The following MAGEA11 variants were observed in gnomAD, a reference collection of about 807,000 sequenced individuals.
MAGEA11 encodes the protein melanoma-associated antigen 11.
In MAGEA11, 1 loss-of-function variant was observed where a neutral mutation model predicts 8.4. The observed-to-expected ratio is 0.12, with a 90% CI of 0.04 to 0.57. MAGEA11 has a LOEUF of 0.57. MAGEA11 is among the 20% of genes least tolerant of loss of function. The pLI is 0.91. For synonymous variants in MAGEA11, 127 were observed against 119.3 expected (o/e 1.06, Z -0.42); for missense variants, 209 against 317.3 (o/e 0.66, Z 2.59).
In MAGEA11 at chrX:149,716,530, G is replaced by A. The variant is rs371173616; in HGVS notation, c.1044G>A (p.Glu348=). 6.6e-6 allele frequency: 8 copies of A among 1,209,721 alleles called. 1 individual carries two copies. The South Asian group carries it at 7.0e-5, about 11-fold the overall frequency. ...LSIMGVYAGR[E]HFLFGEPKRL... ...TTATGGGGGTGTATGCTGGAAGGGAGCACTTCCTCTTTGGGGAGCCCAAGA... is the reference window on the plus strand; with the variant it reads ...TTATGGGGGTGTATGCTGGAAGGGAACACTTCCTCTTTGGGGAGCCCAAGA... Residue 348 remains glutamate (E), a synonymous_variant, in exon 5 of 5, where the codon GAG becomes GAA. Coordinates refer to ENST00000355220, the MANE Select transcript of MAGEA11 (RefSeq NM_005366.5).
chrX:149,715,231 A>G (rs2090421034), intron 3 of MAGEA11, among the ~76,000 whole-genome samples: 1 of 111,770 alleles, frequency 8.9e-6, no homozygotes, highest in African/African-American at 3.3e-5. Context: ...CCCTGAGCAC[A>G]GAGGGGACCA....
chrX:149,697,563 T>G (rs1189155289), intron 1 of MAGEA11, among the ~76,000 whole-genome samples: 1 of 110,458 alleles, frequency 9.1e-6, no homozygotes, highest in East Asian at 2.9e-4. Flanking sequence ...CCCCTGAGTC[T>G]TTTTGACATC....
chrX:149,698,095 A>G (rs1259928492), intron 1 of MAGEA11, among the ~76,000 whole-genome samples: 1 of 111,929 alleles, frequency 8.9e-6, no homozygotes, highest in Non-Finnish European at 1.9e-5. Flanking sequence ...GGACAAATAC[A>G]ATCAATGTCA....
chrX:149,688,924 C>T, exon 1 of MAGEA11: 10 of 1,014,247 alleles, frequency 9.9e-6, no homozygotes, highest in Non-Finnish European at 1.3e-5. Context: ...GGGTGCTATG[C>T]AAGTGGAGCT....
At chrX:149,694,525 G>C (rs1557360399) in intron 1 of MAGEA11, among the ~76,000 whole-genome samples, 1 of 111,433 alleles carries the variant, frequency 9.0e-6, no homozygotes, top group African/African-American at 3.3e-5. Flanking sequence ...TCAATTTTTT[G>C]ATGATGTCCT....
intron 1 of MAGEA11, among the ~76,000 whole-genome samples, chrX:149,695,650 C>T (rs782606264): frequency 8.9e-6 from 1 of 112,121 alleles, no homozygotes; most frequent in Admixed American, 9.4e-5. Context: ...AAAGGATGCT[C>T]AACTTCGTTA....
At chrX:149,713,301 C>T (rs2090411422) in intron 2 of MAGEA11, 46 bp downstream of exon 2, 1 of 826,403 alleles carries the variant, frequency 1.2e-6, no homozygotes, top group African/African-American at 2.1e-5. Flanking sequence ...ACGGTGGCCA[C>T]ATGTGGTGCA....
At chrX:149,704,950 G>A (rs1324894723) in intron 1 of MAGEA11, among the ~76,000 whole-genome samples, 1 of 112,693 alleles carries the variant, frequency 8.9e-6, no homozygotes, top group East Asian at 2.8e-4. Flanking sequence ...GTGTCTGCAG[G>A]GCTTGTTTGC....
At chrX:149,692,516 G>A in intron 1 of MAGEA11, among the ~76,000 whole-genome samples, 1 of 111,616 alleles carries the variant, frequency 9.0e-6, no homozygotes, top group East Asian at 2.8e-4. Context: ...CTTTGGTAAA[G>A]TTTGTTTCAT....
At chrX:149,705,237 ATTCCC>A (rs1251344676) in intron 1 of MAGEA11, among the ~76,000 whole-genome samples, 3 of 111,841 alleles carry the variant, frequency 2.7e-5, no homozygotes, top group African/African-American at 9.8e-5. Flanking sequence ...AATTCCCATA[ATTCCC>A]ATGTGTCGTG....
In MAGEA11 at chrX:149,693,933, G is replaced by A. The variant is rs1434459041; in HGVS notation, c.9+4949G>A. 3.6e-5 allele frequency among the ~76,000 whole-genome samples: 4 copies of A among 111,874 alleles called. No individual in the cohort carries two copies. The South Asian group carries it at 1.1e-3, about 31-fold the overall frequency. ...TTTTAAGGATGAATGACATTTCATT[G>A]TATGTATATACATTTTGCTTATACA... On this transcript the variant is annotated intron_variant, in intron 1 of 3. Transcript: ENST00000333104.
At chrX:149,688,797 A>T, upstream of MAGEA11, 1 of 307,876 alleles carries the variant, frequency 3.2e-6, no homozygotes, top group Admixed American at 4.0e-5. Flanking sequence ...TGCCTGAGTC[A>T]TTCTCTTGAT....
At position 149,716,036 on chromosome X, in the gene MAGEA11, G is replaced by A. The variant is rs2090425058; in HGVS notation, c.550G>A (p.Ala184Thr). 6 of 1,211,762 alleles carry A rather than the reference G, an allele frequency of 5.0e-6. No individual in the cohort carries two copies. Among genetic ancestry groups the A allele is most frequent in the African/African-American group, 1.7e-5 (1 of 57,770 alleles). ...TCAGGAAGAGTCCTTCTCTCCCACT[G>A]CCATGGATGCCATCTTTGGGAGCCT... ...SPQEESFSPTAMDAIFGSLSD... is the reference protein window; with the variant it reads ...SPQEESFSPTTMDAIFGSLSD... The change falls in exon 5 of 5, where the codon GCC becomes ACC. Residue 184 changes from alanine (A) to threonine (T), a missense_variant. Coordinates refer to ENST00000355220, the MANE Select transcript of MAGEA11 (RefSeq NM_005366.5).
chrX:149,693,664 T>C (rs2090319298), intron 1 of MAGEA11, among the ~76,000 whole-genome samples: 1 of 112,318 alleles, frequency 8.9e-6, no homozygotes, highest in Non-Finnish European at 1.9e-5. Context: ...CCATATCAAA[T>C]TCCAGAACAT....
chrX:149,695,082 G>T (rs1423892658), intron 1 of MAGEA11, among the ~76,000 whole-genome samples: 1 of 111,608 alleles, frequency 9.0e-6, no homozygotes, highest in Non-Finnish European at 1.9e-5. Context: ...TCTTTATCTC[G>T]CCTCTGATGC....
upstream of MAGEA11, among the ~76,000 whole-genome samples, chrX:149,708,700 G>A (rs907723130): frequency 1.8e-5 from 2 of 111,069 alleles, no homozygotes; most frequent in Non-Finnish European, 3.8e-5. Context: ...GCCATAGGCT[G>A]TCTCAGAGCC....
intron 1 of MAGEA11, among the ~76,000 whole-genome samples, chrX:149,704,415 C>G (rs1452124287): frequency 8.9e-6 from 1 of 112,401 alleles, no homozygotes; most frequent in Non-Finnish European, 1.9e-5. Context: ...ACTTCGCTCA[C>G]TATTTTCCTC....
intron 1 of MAGEA11, among the ~76,000 whole-genome samples, chrX:149,703,712 C>T (rs144834761): frequency 0.011 from 1,277 of 111,845 alleles, 6 homozygotes; most frequent in Non-Finnish European, 0.019. Context: ...AAAATAAATG[C>T]GTTAATTAAT....
chrX:149,704,441 C>G (rs1198266163), intron 1 of MAGEA11, among the ~76,000 whole-genome samples: 1 of 112,219 alleles, frequency 8.9e-6, no homozygotes, highest in Middle Eastern at 4.2e-3. Flanking sequence ...TTTTTTCACT[C>G]CTGCTTCATT....
Sources: allele counts gnomAD v4.1 joint callset (sites outside exome capture counted in the v4.1 genomes callset), GRCh38; gene constraint gnomAD v4.1.1; transcripts MANE v1.5; gene names NCBI Gene and HGNC (gene_info 2026-07-23, HGNC 2026-07-21).